ZC3H13: variants seen among roughly 807,000 people sequenced by gnomAD.
The protein encoded by ZC3H13 is zinc finger CCCH domain-containing protein 13.
A neutral mutation model predicts 204.1 loss-of-function variants in ZC3H13; 64 were observed. The observed-to-expected ratio is 0.31, with a 90% CI of 0.26 to 0.39. ZC3H13 has a LOEUF of 0.39. ZC3H13 is among the 10% of genes least tolerant of loss of function. ZC3H13 has a pLI of 1.00. For synonymous variants in ZC3H13, 667 were observed against 693.7 expected (o/e 0.96, Z 0.60); for missense variants, 1,833 against 2,082.7 (o/e 0.88, Z 2.33).
chr13:45,993,796 C>G (rs2040135759), intron 8 of ZC3H13, among the ~76,000 whole-genome samples: 1 of 152,162 alleles, frequency 6.6e-6, no homozygotes, highest in Admixed American at 6.5e-5. Flanking sequence ...AACAATCTTA[C>G]AGAACTAGGA....
Position 46,011,435 on chromosome 13 carries a change from C to A in ZC3H13, c.568G>T (p.Glu190Ter). The A allele has an allele frequency of 1.3e-6, 2 of 1,593,296 alleles. No homozygotes were observed. Among genetic ancestry groups the A allele is most frequent in the Non-Finnish European group, 8.5e-7 (1 of 1,169,714 alleles). ...LEQENMEKRE[E>*]IIIKKEVSPE... ...CATACCTCCTTTTTAATGATAATTT[C>A]TTCTCTCTTCTCCATGTTTTCTTGT... is the stretch of plus-strand genomic sequence containing the variant. Residue 190 changes from glutamate (E) to a stop codon, truncating the protein, a stop_gained, in exon 6 of 19, where the codon GAA (glutamate) becomes TAA (stop). Coordinates refer to ENST00000679008, the MANE Select transcript of ZC3H13 (RefSeq NM_001330564.2). LOFTEE classifies it high-confidence loss of function.
intron 5 of ZC3H13, among the ~76,000 whole-genome samples, chr13:46,016,890 T>C (rs186358481): frequency 3.5e-3 from 537 of 152,222 alleles, no homozygotes; most frequent in Non-Finnish European, 5.9e-3. Flanking sequence ...AGAATATTAG[T>C]AGTATATCAA....
Position 46,008,233 on chromosome 13 carries a change from G to C in ZC3H13, c.746+2115C>G, listed in dbSNP as rs2148414. On this transcript the variant is annotated intron_variant, in intron 7 of 18. Coordinates refer to ENST00000679008, the MANE Select transcript of ZC3H13 (RefSeq NM_001330564.2). ...TCCTTACATGTGCTTAGTATGTTCTGAGTTGATAGTATGATCCAGCAATAA... is the reference window on the plus strand; with the variant it reads ...TCCTTACATGTGCTTAGTATGTTCTCAGTTGATAGTATGATCCAGCAATAA... Among the ~76,000 whole-genome samples, 9 of 151,368 alleles carry C rather than the reference G, an allele frequency of 5.9e-5. No individual in the cohort carries two copies. In the East Asian group the frequency reaches 1.7e-3, roughly 29 times the overall value.
At chr13:46,036,715 C>T (rs745853772) in intron 4 of ZC3H13, among the ~76,000 whole-genome samples, 4 of 151,874 alleles carry the variant, frequency 2.6e-5, no homozygotes, top group Non-Finnish European at 4.4e-5. Flanking sequence ...AATATTATTC[C>T]AATTGTCATT....
In ZC3H13 at chr13:45,985,712, T is replaced by A. The variant is rs769807843; in HGVS notation, c.1305A>T (p.Glu435Asp). Reference sequence around the variant, plus strand: ...TAGAAGAGCTCTGATCCTGTTCATATTCTCGTTCTTCTCTTGAGTCCTTTT... The same window carrying A: ...TAGAAGAGCTCTGATCCTGTTCATAATCTCGTTCTTCTCTTGAGTCCTTTT... Reference protein sequence around the residue: ...DREKDSREEREYEQDQSSSRD... With the variant: ...DREKDSREERDYEQDQSSSRD... Residue 435 changes from glutamate (E) to aspartate (D), a missense_variant, in exon 10 of 19, where the codon GAA becomes GAT. Glu to Asp is a conservative substitution (Grantham distance 45, BLOSUM62 2). Around this residue, in one of 5 missense-constraint regions of ZC3H13, gnomAD observed 1,574 missense variants for 1,757.2 expected, o/e 0.90. Transcript: ENST00000679008. 1.9e-6 allele frequency: 3 copies of A among 1,613,498 alleles called. No individual in the cohort carries two copies. Among genetic ancestry groups the A allele is most frequent in the Non-Finnish European group, 2.5e-6 (3 of 1,179,912 alleles).
At position 45,968,983 on chromosome 13, in the gene ZC3H13, C is replaced by T; in HGVS notation, c.3561G>A (p.Lys1187=). ...DAQHRKPMDQ[K]RSSSLGSNRS... is the part of the protein sequence containing the mutation. ...GATTGCTCCCGAGGCTGCTGCTCCT[C>T]TTTTGATCCATAGGCTTGCGATGCT... Residue 1187 remains lysine, a synonymous_variant, in exon 14 of 19, where the codon AAG becomes AAA. Coordinates refer to ENST00000679008, the MANE Select transcript of ZC3H13 (RefSeq NM_001330564.2). 1 of 1,614,234 alleles carries T rather than the reference C, an allele frequency of 6.2e-7. No homozygotes were observed. The highest frequency in any genetic ancestry group is 8.5e-7 in the Non-Finnish European group (1 of 1,180,042).
intron 9 of ZC3H13, among the ~76,000 whole-genome samples, chr13:45,987,164 C>T (rs745834596): frequency 2.0e-5 from 3 of 152,188 alleles, no homozygotes; most frequent in Non-Finnish European, 4.4e-5. Context: ...TATCCTTCCA[C>T]CGAAATTATC....
intron 4 of ZC3H13, among the ~76,000 whole-genome samples, chr13:46,033,519 A>G (rs2043026563): frequency 6.6e-6 from 1 of 152,090 alleles, no homozygotes; most frequent in South Asian, 2.1e-4. Context: ...AACTAATAAA[A>G]TCAAAGTTAA....
At chr13:46,027,770 T>C (rs1202661021) in intron 4 of ZC3H13, among the ~76,000 whole-genome samples, 9 of 152,182 alleles carry the variant, frequency 5.9e-5, no homozygotes, top group Admixed American at 4.6e-4. Context: ...ATGTACATTG[T>C]AAACTCTAGG....
chr13:45,995,459 TTA>T (rs2040263867), intron 8 of ZC3H13, among the ~76,000 whole-genome samples: 1 of 152,224 alleles, frequency 6.6e-6, no homozygotes, highest in African/African-American at 2.4e-5. Context: ...GTTTTGATGT[TTA>T]TAACATGATT....
At chr13:45,984,585 C>T (rs1273933760) in intron 10 of ZC3H13, among the ~76,000 whole-genome samples, 1 of 152,162 alleles carries the variant, frequency 6.6e-6, no homozygotes, top group Admixed American at 6.5e-5. Flanking sequence ...AAAGACAAGG[C>T]AGCTCAAAGA....
intron 1 of ZC3H13, among the ~76,000 whole-genome samples, chr13:46,049,904 C>T (rs1275057042): frequency 2.6e-5 from 4 of 152,052 alleles, no homozygotes; most frequent in Non-Finnish European, 4.4e-5. Context: ...CTAATTTACT[C>T]TTCTATGAAG....
intron 1 of ZC3H13, among the ~76,000 whole-genome samples, chr13:46,046,632 C>T (rs1022719897): frequency 6.6e-6 from 1 of 150,698 alleles, no homozygotes; most frequent in African/African-American, 2.4e-5. Flanking sequence ...CACACCACCG[C>T]ACTCCAGCCT....
chr13:46,024,705 T>C (rs997457647), intron 4 of ZC3H13, among the ~76,000 whole-genome samples: 1 of 146,004 alleles, frequency 6.8e-6, no homozygotes, highest in Non-Finnish European at 1.5e-5. Flanking sequence ...TACTATTTCT[T>C]AAAATGTTGC....
At chr13:46,006,874 T>C (rs1217544896) in intron 7 of ZC3H13, among the ~76,000 whole-genome samples, 1 of 151,390 alleles carries the variant, frequency 6.6e-6, no homozygotes, top group East Asian at 1.9e-4. Context: ...ATTACTAAAA[T>C]ATGACGACTA....
chr13:45,971,607 G>C (rs1268524804), intron 12 of ZC3H13, among the ~76,000 whole-genome samples: 6 of 152,138 alleles, frequency 3.9e-5, no homozygotes, highest in Admixed American at 3.9e-4. Flanking sequence ...CCTAGGCAAA[G>C]ACTTCATGGC....
chr13:45,967,652 T>C lies in ZC3H13; in HGVS notation c.4173A>G (p.Glu1391=), dbSNP rs930999809. The change falls in exon 15 of 19, where the codon GAA becomes GAG. Residue 1391 remains glutamate (E), a synonymous_variant. Transcript: ENST00000679008. ...TTTCATGTTCACCTTCCAGTTTTGC[T>C]TCACAGCGTTTCACAGACTCTATTT... ...SSQIESVKRC[E]AKLEGEHERD... is the part of the protein sequence containing the mutation. 2 of 1,614,038 alleles carry C rather than the reference T, an allele frequency of 1.2e-6. No homozygotes were observed. The highest frequency in any genetic ancestry group is 3.3e-5 in the Admixed American group (2 of 59,994).
In ZC3H13 at chr13:45,955,651, A is replaced by G. The variant is rs1321179513; in HGVS notation, c.*1476T>C. On this transcript the variant is annotated 3_prime_UTR_variant, in exon 19 of 19. Transcript: ENST00000679008. ...ATCAGGAAGTGGCTTCCTGAAGGGT[A>G]TTCATTCTCTGAGGTCATACATTTT... The G allele has an allele frequency of 2.0e-5, 3 of 152,200 alleles. No homozygotes were observed. The East Asian group carries it at 5.8e-4, about 29-fold the overall frequency. 9.4% of individuals were successfully genotyped at this position (152,200 alleles called of 1,614,324 possible).
intron 7 of ZC3H13, 37 bp downstream of exon 7, chr13:46,010,311 A>G: frequency 6.7e-7 from 1 of 1,501,860 alleles, no homozygotes; most frequent in Non-Finnish European, 9.0e-7. Context: ...ACTTCAGAAA[A>G]AGCTATTTTC....
Sources: allele counts gnomAD v4.1 joint callset (sites outside exome capture counted in the v4.1 genomes callset), GRCh38; gene constraint gnomAD v4.1.1; regional missense constraint gnomAD v4.1.1; transcripts MANE v1.5; gene names NCBI Gene and HGNC (gene_info 2026-07-23, HGNC 2026-07-21).